AARS2: variants seen among roughly 807,000 people sequenced by gnomAD.
AARS2 encodes the protein alanyl-tRNA synthetase 2, mitochondrial, also known as alanine--tRNA ligase, mitochondrial.
Under a neutral mutation model 119.7 loss-of-function variants are expected in AARS2, and 78 were observed. The ratio of observed to expected loss-of-function variants is 0.65; its 90% CI spans 0.54 to 0.79. The LOEUF (loss-of-function observed/expected upper bound fraction) is 0.79, where lower values mean the gene tolerates loss of function less well. AARS2 is among the 30% of genes least tolerant of loss of function. AARS2 has a pLI of 0.00. For synonymous variants in AARS2, 502 were observed against 526.3 expected (o/e 0.95, Z 0.63); for missense variants, 1,157 against 1,291.3 (o/e 0.90, Z 1.59).
In AARS2 at chr6:44,305,290, C is replaced by G; in HGVS notation, c.1435-92G>C. 1 of 1,556,932 alleles carries G rather than the reference C, an allele frequency of 6.4e-7. No individual in the cohort carries two copies. Among genetic ancestry groups the G allele is most frequent in the Non-Finnish European group, 8.7e-7 (1 of 1,143,786 alleles). Reference sequence around the variant, plus strand: ...CTCGCAGGGCCCTGTCCCTGCCACACAGCTGTGGACTCTGCAGCCCTTCTG... The same window carrying G: ...CTCGCAGGGCCCTGTCCCTGCCACAGAGCTGTGGACTCTGCAGCCCTTCTG... On this transcript the variant is annotated intron_variant, in intron 10 of 21. Coordinates refer to ENST00000244571, the MANE Select transcript of AARS2 (RefSeq NM_020745.4). This position sits in a 1 kb window ranked among gnomAD's most constrained non-coding sequence, Gnocchi z 4.6.
chr6:44,307,024 G>C lies in AARS2; in HGVS notation c.1048C>G (p.Leu350Val). The stretch of plus-strand genomic sequence containing the variant: ...ACAGCTCGACGCAGGATCCGACGAA[G>C]AACCAGCCTAAAGGGGTTCAGAGCC... The part of the protein sequence containing the change: ...FPGMSGPPLV[L>V]RRILRRAVRF... The change falls in exon 7 of 22, where the codon CTT becomes GTT. Residue 350 changes from leucine to valine, a missense_variant. Physicochemically the swap from Leu to Val is conservative, Grantham distance 32 (BLOSUM62 1). Coordinates refer to ENST00000244571, the MANE Select transcript of AARS2 (RefSeq NM_020745.4). This position sits in a 1 kb window ranked among gnomAD's most constrained non-coding sequence, Gnocchi z 4.4. 1 of 1,614,102 alleles carries C rather than the reference G, an allele frequency of 6.2e-7. No individual in the cohort carries two copies. Among genetic ancestry groups the C allele is most frequent in the Non-Finnish European group, 8.5e-7 (1 of 1,180,000 alleles).
At position 44,305,739 on chromosome 6, in the gene AARS2, A is replaced by C; in HGVS notation, c.1348T>G (p.Leu450Val). 4 of 1,614,148 alleles carry C rather than the reference A, an allele frequency of 2.5e-6. No individual in the cohort carries two copies. The highest frequency in any genetic ancestry group is 2.5e-6 in the Non-Finnish European group (3 of 1,180,010). The stretch of plus-strand genomic sequence containing the variant: ...TCCAGCATCAGCTCTACCATGTCCA[A>C]GGGGAGTCCCAGGTCTCCACACAGT... ...LSLCGDLGLP[L>V]DMVELMLEEK... Residue 450 changes from leucine to valine, a missense_variant, in exon 10 of 22, where the codon TTG becomes GTG. Physicochemically the swap from Leu to Val is conservative, Grantham distance 32. Coordinates refer to ENST00000244571, the MANE Select transcript of AARS2 (RefSeq NM_020745.4). This position sits in a 1 kb window ranked among gnomAD's most constrained non-coding sequence, Gnocchi z 4.6.
Position 44,306,265 on chromosome 6 carries a change from A to G in AARS2, c.1300+15T>C. ...TCAGCGAGCCCCTTGTGCATGGGCTAGGTATCCTGCTTACCAGGGAACATA... is the reference window on the plus strand; with the variant it reads ...TCAGCGAGCCCCTTGTGCATGGGCTGGGTATCCTGCTTACCAGGGAACATA... On this transcript the variant is annotated intron_variant, in intron 9 of 21. Transcript: ENST00000244571. The G allele has an allele frequency of 6.2e-7, 1 of 1,612,728 alleles. No homozygotes were observed.
chr6:44,305,982 C>T lies in AARS2; in HGVS notation c.1301-196G>A, dbSNP rs1004472072. Among the ~76,000 whole-genome samples, 1 of 152,108 alleles carries T rather than the reference C, an allele frequency of 6.6e-6. No homozygotes were observed. The highest frequency in any genetic ancestry group is 1.9e-4 in the East Asian group (1 of 5,188). Reference sequence around the variant, plus strand: ...CCTCAAGGCCAGAGCTGGGGGTAGTCCAGGGTACTCCCTGGGCACACATCA... The same window carrying T: ...CCTCAAGGCCAGAGCTGGGGGTAGTTCAGGGTACTCCCTGGGCACACATCA... On this transcript the variant is annotated intron_variant, in intron 9 of 21. Coordinates refer to ENST00000244571, the MANE Select transcript of AARS2 (RefSeq NM_020745.4). This position sits in a 1 kb window ranked among gnomAD's most constrained non-coding sequence, Gnocchi z 4.6.
In AARS2 at chr6:44,303,031, G is replaced by T. The variant is rs325002; in HGVS notation, c.2255+35C>A. On this transcript the variant is annotated intron_variant, in intron 16 of 21. Coordinates refer to ENST00000244571, the MANE Select transcript of AARS2 (RefSeq NM_020745.4). ...ACCAAGGGAAGGGCAAGGATCCGGG[G>T]CCCCTGGGCCAGGCAGCACAAAGGA... 1,183,346 of 1,611,522 alleles carry T rather than the reference G, an allele frequency of 0.73. 439,604 individuals are homozygous for T. Among genetic ancestry groups the T allele is most frequent in the Admixed American group, 0.78 (46,632 of 59,976 alleles).
chr6:44,304,795 C>T lies in AARS2; in HGVS notation c.1602G>A (p.Gln534=). 9 of 1,614,176 alleles carry T rather than the reference C, an allele frequency of 5.6e-6. No homozygotes were observed. Among genetic ancestry groups the T allele is most frequent in the Non-Finnish European group, 6.8e-6 (8 of 1,180,022 alleles). Residue 534 remains glutamine (Q), a synonymous_variant, in exon 12 of 22, where the codon CAG becomes CAA. Coordinates refer to ENST00000244571, the MANE Select transcript of AARS2 (RefSeq NM_020745.4). ...CGTCCTCTGTATACAGTTGCAACAC[C>T]TGGGCCTCACAGGTGCCGAACTCTG... is the stretch of plus-strand genomic sequence containing the variant. The part of the protein sequence containing the change: ...GSYEFGTCEA[Q]VLQLYTEDGT...
rs767684428 is a variant in AARS2, at chr6:44,306,915, G to A, written c.1149+8C>T. 1.6e-5 allele frequency: 25 copies of A among 1,612,672 alleles called. No homozygotes were observed. The Admixed American group carries it at 3.8e-4, about 25-fold the overall frequency. ...AGGCCCAGAGTGAAAAAGAAGCTCT[G>A]TCCTTACCAGTGTCTCCACCACTAC... On this transcript the variant is annotated splice_region_variant and intron_variant, in intron 7 of 21. Coordinates refer to ENST00000244571, the MANE Select transcript of AARS2 (RefSeq NM_020745.4).
At chr6:44,312,319 G>T in intron 1 of AARS2, 56 bp from the exon 2 acceptor site, 1 of 1,548,686 alleles carries the variant, frequency 6.5e-7, no homozygotes, top group South Asian at 1.2e-5. Flanking sequence ...TCAGTAGAAG[G>T]GAAATGTGGG....
chr6:44,301,510 G>T (rs1181096770), intron 19 of AARS2, 46 bp from the exon 20 acceptor site: 2 of 1,552,168 alleles, frequency 1.3e-6, no homozygotes, highest in Non-Finnish European at 1.8e-6. Context: ...TGAGAGGCAG[G>T]TTTCCAATTA....
chr6:44,312,041 C>G, intron 2 of AARS2, 31 bp downstream of exon 2: 4 of 1,610,472 alleles, frequency 2.5e-6, no homozygotes, highest in Non-Finnish European at 3.4e-6. Flanking sequence ...TGACTCCCTT[C>G]TTGGCTGATC....
Position 44,307,633 on chromosome 6 carries a change from T to A in AARS2, c.895-239A>T. 2 of 593,940 alleles carry A rather than the reference T, an allele frequency of 3.4e-6. No homozygotes were observed. Among genetic ancestry groups the A allele is most frequent in the Non-Finnish European group, 3.0e-6 (1 of 334,876 alleles). The allele number at this position is 593,940 out of a possible 1,614,324, so 36.8% of individuals were successfully genotyped here. A position where few individuals can be genotyped will look rare whatever the true frequency, so the allele number is the denominator to read the frequency against. On this transcript the variant is annotated intron_variant, in intron 5 of 21. Transcript: ENST00000244571. This position sits in a 1 kb window ranked among gnomAD's most constrained non-coding sequence, Gnocchi z 4.4. ...GTGACCATTTACTGAATTTCTACTA[T>A]CAGAACTGGGTGAGTACTTGAACAA...
Position 44,298,803 on chromosome 6 carries a change from C to T in AARS2, c.*1744G>A, listed in dbSNP as rs1024952096. Among the ~76,000 whole-genome samples the T allele has an allele frequency of 6.6e-6, 1 of 152,178 alleles. No individual in the cohort carries two copies. Among genetic ancestry groups the T allele is most frequent in the African/African-American group, 2.4e-5 (1 of 41,424 alleles). On this transcript the variant is annotated 3_prime_UTR_variant, in exon 22 of 22. Coordinates refer to ENST00000244571, the MANE Select transcript of AARS2 (RefSeq NM_020745.4). ...TGATTTGAAGATGGATCCCCTGAGGCCCTTTCCTTCATCTAGCAACAGAGA... is the reference window on the plus strand; with the variant it reads ...TGATTTGAAGATGGATCCCCTGAGGTCCTTTCCTTCATCTAGCAACAGAGA...
Position 44,311,081 on chromosome 6 carries a change from C to T in AARS2, c.662G>A (p.Cys221Tyr), listed in dbSNP as rs1219138610. 3 of 1,613,972 alleles carry T rather than the reference C, an allele frequency of 1.9e-6. No individual in the cohort carries two copies. The highest frequency in any genetic ancestry group is 2.2e-5 in the South Asian group (2 of 91,088). Residue 221 changes from cysteine (C) to tyrosine (Y), a missense_variant, in exon 4 of 22, where the codon TGT becomes TAT. Coordinates refer to ENST00000244571, the MANE Select transcript of AARS2 (RefSeq NM_020745.4). ...EMGDTGPCGP[C>Y]TEIHYDLAGG... Reference sequence around the variant, plus strand: ...AGCAAGGTCGTAGTGGATCTCAGTACAGGGCCCACAAGGGCCAGTATCCCC... The same window carrying T: ...AGCAAGGTCGTAGTGGATCTCAGTATAGGGCCCACAAGGGCCAGTATCCCC...
In AARS2 at chr6:44,302,444, G is replaced by A. The variant is rs748406230; in HGVS notation, c.2434C>T (p.Arg812Trp). The A allele has an allele frequency of 6.8e-6, 11 of 1,614,002 alleles. No homozygotes were observed. The highest frequency in any genetic ancestry group is 3.3e-5 in the South Asian group (3 of 91,088). Residue 812 changes from arginine to tryptophan, a missense_variant, in exon 18 of 22, where the codon CGG becomes TGG. Arg to Trp is a moderately radical substitution (Grantham distance 101). Transcript: ENST00000244571. ...AGCCTCAGTGCCTCCGCCACATCCC[G>A]GCTCCCCAGACTCAGCCGCTCAGTG... ...AATERLSLGSRDVAEALRLSK... is the reference protein window; with the variant it reads ...AATERLSLGSWDVAEALRLSK...
rs753143231 is a variant in AARS2, at chr6:44,304,519, T to A, written c.1767A>T (p.Pro589=). The change falls in exon 13 of 22, where the codon CCA becomes CCT. Residue 589 remains proline (P), a synonymous_variant. Coordinates refer to ENST00000244571, the MANE Select transcript of AARS2 (RefSeq NM_020745.4). ...VRAGQEDVLF[P]VARAQVCGGF... ...CTCCACAGACCTGGGCCCGGGCTAC[T>A]GGGAACAGCACGTCCTGAGGGAGGG... is the stretch of plus-strand genomic sequence containing the variant. 1 of 1,614,146 alleles carries A rather than the reference T, an allele frequency of 6.2e-7. No individual in the cohort carries two copies. The highest frequency in any genetic ancestry group is 1.1e-5 in the South Asian group (1 of 91,082).
At chr6:44,311,368 C>A (rs370472840) in intron 3 of AARS2, 22 bp downstream of exon 3, 16 of 1,614,140 alleles carry the variant, frequency 9.9e-6, no homozygotes, top group Non-Finnish European at 1.4e-5. Context: ...CAGGAATGAA[C>A]ATAAGAAGGG....
At chr6:44,304,892 A>G (rs1480003831) in intron 11 of AARS2, 75 bp from the exon 12 acceptor site, 21 of 1,609,950 alleles carry the variant, frequency 1.3e-5, no homozygotes, top group Admixed American at 1.7e-5. Context: ...CCTGGAGGCC[A>G]ACAAGCACCC....
Position 44,307,519 on chromosome 6 carries a change from C to T in AARS2, c.895-125G>A. Reference sequence around the variant, plus strand: ...CACATCCAGAATGGCCTTGCCAGTCCAGTCCTGGGCTGAGAAGCCTCACAG... The same window carrying T: ...CACATCCAGAATGGCCTTGCCAGTCTAGTCCTGGGCTGAGAAGCCTCACAG... On this transcript the variant is annotated intron_variant, in intron 5 of 21. Transcript: ENST00000244571. This position sits in a 1 kb window ranked among gnomAD's most constrained non-coding sequence, Gnocchi z 4.4. 1 of 1,280,592 alleles carries T rather than the reference C, an allele frequency of 7.8e-7. No homozygotes were observed. The highest frequency in any genetic ancestry group is 1.3e-5 in the South Asian group (1 of 75,804). The allele number at this position is 1,280,592 out of a possible 1,614,324, so 79.3% of individuals were successfully genotyped here. A position where few individuals can be genotyped will look rare whatever the true frequency, so the allele number is the denominator to read the frequency against.
rs886061485 is a variant in AARS2 at position 44,300,711 on chromosome 6, C to T, written c.2794G>A (p.Gly932Ser). 6.2e-7 allele frequency: 1 copy of T among 1,612,258 alleles called. No homozygotes were observed. The highest frequency in any genetic ancestry group is 8.5e-7 in the Non-Finnish European group (1 of 1,180,000). The change falls in exon 22 of 22, where the codon GGT becomes AGT. Residue 932 changes from glycine to serine, a missense_variant and splice_region_variant. Physicochemically the swap from Gly to Ser is moderately conservative, Grantham distance 56. Coordinates refer to ENST00000244571, the MANE Select transcript of AARS2 (RefSeq NM_020745.4). ...KVLCACQVAQ[G>S]AMPTFTAEAW... ...TCTGCTGTGAAGGTGGGCATGGCAC[C>T]CTAGGAACAGAATCAGAAGAGGAAG...
Sources: allele counts gnomAD v4.1 joint callset (sites outside exome capture counted in the v4.1 genomes callset), GRCh38; gene constraint gnomAD v4.1.1; non-coding constraint Gnocchi (gnomAD v3.1); transcripts MANE v1.5; gene names NCBI Gene and HGNC (gene_info 2026-07-23, HGNC 2026-07-21).